CHD7: variants seen among roughly 807,000 people sequenced by gnomAD.
CHD7 encodes the protein ATP-dependent chromatin remodeler CHD7.
Under a neutral mutation model 307.3 loss-of-function variants are expected in CHD7, and 24 were observed. The ratio of observed to expected loss-of-function variants is 0.08; its 90% CI spans 0.06 to 0.11. The LOEUF is 0.11. Ranked by LOEUF, CHD7 falls within the 10% of genes least tolerant of loss-of-function variation. CHD7 has a pLI of 1.00. For missense variants in CHD7, 3,106 were observed against 3,727.1 expected, an observed-to-expected ratio of 0.83 and a Z score of 4.34; for synonymous variants, 1,363 against 1,349.9, an observed-to-expected ratio of 1.01 and a Z score of -0.21.
intron 1 of CHD7, among the ~76,000 whole-genome samples, chr8:60,686,133 T>G (rs1157347681): frequency 1.3e-5 from 2 of 152,188 alleles, no homozygotes; most frequent in Admixed American, 6.5e-5. Context: ...CTGTCTTGTG[T>G]TGTTTGTAGG....
chr8:60,798,256 C>T (rs953377648), intron 4 of CHD7, among the ~76,000 whole-genome samples: 5 of 152,178 alleles, frequency 3.3e-5, no homozygotes, highest in Admixed American at 2.6e-4. Context: ...AAGCTTTGTC[C>T]TGTAGAGGAG....
chr8:60,743,562 T>C (rs1221467102), intron 2 of CHD7, among the ~76,000 whole-genome samples: 1 of 152,260 alleles, frequency 6.6e-6, no homozygotes, highest in East Asian at 1.9e-4. Context: ...GCAAATCGTA[T>C]ACTTCTGTGA....
chr8:60,745,772 A>G (rs561362467), intron 2 of CHD7, among the ~76,000 whole-genome samples: 2 of 152,178 alleles, frequency 1.3e-5, no homozygotes, highest in Non-Finnish European at 2.9e-5. Context: ...CCCCAGCTCT[A>G]TTGCTTATTA....
intron 21 of CHD7, among the ~76,000 whole-genome samples, chr8:60,843,458 G>A (rs868578765): frequency 2.0e-5 from 3 of 152,272 alleles, no homozygotes; most frequent in Middle Eastern, 3.4e-3. Context: ...TCTTTCAGTC[G>A]AGCCCTTCCC....
rs1013077936 is a variant in CHD7, at chr8:60,829,742, C to T, written c.3523-580C>T. Among the ~76,000 whole-genome samples the T allele has an allele frequency of 1.5e-4, 23 of 152,290 alleles. No individual in the cohort carries two copies. In the East Asian group the frequency reaches 1.7e-3, roughly 11 times the overall value. ...AATCTTGGTTTTTACGTGCCCCCTCCACTGACTTACTGTCTAAAACCTGTT... is the reference window on the plus strand; with the variant it reads ...AATCTTGGTTTTTACGTGCCCCCTCTACTGACTTACTGTCTAAAACCTGTT... On this transcript the variant is annotated intron_variant, in intron 14 of 37. Transcript: ENST00000423902.
chr8:60,742,204 C>T lies in CHD7; in HGVS notation c.772C>T (p.His258Tyr). 1 of 1,613,870 alleles carries T rather than the reference C, an allele frequency of 6.2e-7. No individual in the cohort carries two copies. The highest frequency in any genetic ancestry group is 8.5e-7 in the Non-Finnish European group (1 of 1,179,876). Residue 258 changes from histidine (H) to tyrosine (Y), a missense_variant, in exon 2 of 38, where the codon CAC becomes TAC. Physicochemically the swap from His to Tyr is moderately conservative, Grantham distance 83. Around this residue, in one of 10 missense-constraint regions of CHD7, gnomAD observed 998 missense variants for 1,004.5 expected, o/e 0.99. Coordinates refer to ENST00000423902, the MANE Select transcript of CHD7 (RefSeq NM_017780.4). ...SLRHSVQQFH[H>Y]HPSTALHGES... Reference sequence around the variant, plus strand: ...GCGTCACTCGGTGCAGCAGTTCCATCACCACCCCTCTACTGCTCTCCATGG... The same window carrying T: ...GCGTCACTCGGTGCAGCAGTTCCATTACCACCCCTCTACTGCTCTCCATGG...
chr8:60,822,588 A>G lies in CHD7; in HGVS notation c.3043A>G (p.Ile1015Val), dbSNP rs1415116812. 3 of 1,613,758 alleles carry G rather than the reference A, an allele frequency of 1.9e-6. No individual in the cohort carries two copies. The Admixed American group carries it at 5.0e-5, about 27-fold the overall frequency. ...TCTCTATGAGATATATTTGAAAGGA[A>G]TCCATGGCCCTTTTTTAGTAATTGC... ...TFLYEIYLKG[I>V]HGPFLVIAPL... Residue 1015 changes from isoleucine to valine, a missense_variant, in exon 12 of 38, where the codon ATC becomes GTC. By Grantham distance (29) the Ile-to-Val change is conservative. This residue lies in a region of CHD7 where 188 missense variants were observed against 261.7 expected (regional missense o/e 0.72). Transcript: ENST00000423902.
intron 2 of CHD7, among the ~76,000 whole-genome samples, chr8:60,746,936 C>G (rs1327053170): frequency 6.6e-6 from 1 of 152,150 alleles, no homozygotes; most frequent in Non-Finnish European, 1.5e-5. Context: ...CAGTTTTTCT[C>G]AAACTTTTCA....
At chr8:60,817,033 C>T (rs1020301855) in intron 8 of CHD7, among the ~76,000 whole-genome samples, 1 of 152,172 alleles carries the variant, frequency 6.6e-6, no homozygotes, top group African/African-American at 2.4e-5. Flanking sequence ...TATAGAAGTA[C>T]AGCAATACCT....
intron 1 of CHD7, among the ~76,000 whole-genome samples, chr8:60,714,215 C>T (rs565798827): frequency 1.2e-4 from 18 of 152,064 alleles, no homozygotes; most frequent in African/African-American, 4.1e-4. Context: ...AGACGCAGGG[C>T]GGAGCGGGGT....
chr8:60,807,003 T>A, intron 6 of CHD7, among the ~76,000 whole-genome samples: 1 of 152,070 alleles, frequency 6.6e-6, no homozygotes. Flanking sequence ...CAAGCCTGGG[T>A]GACAAAGCAA....
At chr8:60,816,837 T>C (rs1253259026) in intron 8 of CHD7, among the ~76,000 whole-genome samples, 1 of 152,224 alleles carries the variant, frequency 6.6e-6, no homozygotes, top group East Asian at 1.9e-4. Context: ...AAATCTACAA[T>C]GTTAAGTACA....
At chr8:60,684,691 C>T (rs959264454) in intron 1 of CHD7, among the ~76,000 whole-genome samples, 1 of 152,142 alleles carries the variant, frequency 6.6e-6, no homozygotes, top group Non-Finnish European at 1.5e-5. Context: ...TCGAGGCAGG[C>T]AGTATCCAAC....
intron 2 of CHD7, among the ~76,000 whole-genome samples, chr8:60,747,632 G>T (rs1809398429): frequency 6.6e-6 from 1 of 152,148 alleles, no homozygotes; most frequent in Non-Finnish European, 1.5e-5. Flanking sequence ...AAAAAATGAG[G>T]ATGAAAAAGC....
At chr8:60,728,084 T>A (rs1465394658) in intron 1 of CHD7, among the ~76,000 whole-genome samples, 2 of 152,236 alleles carry the variant, frequency 1.3e-5, no homozygotes, top group African/African-American at 4.8e-5. Flanking sequence ...TCTCTTCCAG[T>A]CTGTGCTCCA....
intron 23 of CHD7, among the ~76,000 whole-genome samples, chr8:60,845,681 A>C (rs1805180012): frequency 1.3e-5 from 2 of 152,224 alleles, no homozygotes; most frequent in Non-Finnish European, 2.9e-5. Flanking sequence ...TGTGGTGTCA[A>C]GTTGCAGGAG....
intron 1 of CHD7, among the ~76,000 whole-genome samples, chr8:60,729,652 G>C (rs927020063): frequency 5.3e-5 from 8 of 152,294 alleles, no homozygotes; most frequent in Admixed American, 5.2e-4. Context: ...GCCTGGTTCT[G>C]TTTGTAATCT....
At chr8:60,864,495 G>A (rs570411563) in intron 37 of CHD7, 2 of 159,582 alleles carry the variant, frequency 1.3e-5, no homozygotes, top group East Asian at 1.8e-4. Context: ...CATAGTAGGT[G>A]TATATATAGG....
intron 26 of CHD7, 61 bp from the exon 27 acceptor site, chr8:60,850,971 C>T: frequency 3.4e-6 from 4 of 1,191,980 alleles, no homozygotes; most frequent in Non-Finnish European, 4.8e-6. Context: ...TCCTACCCAC[C>T]CCCCTTCCTT....
Sources: allele counts gnomAD v4.1 joint callset (sites outside exome capture counted in the v4.1 genomes callset), GRCh38; gene constraint gnomAD v4.1.1; regional missense constraint gnomAD v4.1.1; transcripts MANE v1.5; gene names NCBI Gene and HGNC (gene_info 2026-07-23, HGNC 2026-07-21).